The following ATP8A2 variants were observed in gnomAD, a reference collection of about 807,000 sequenced individuals.
The protein encoded by ATP8A2 is ATPase phospholipid transporting 8A2.
In ATP8A2, 100 loss-of-function variants were observed where a neutral mutation model predicts 165.6. The ratio of observed to expected loss-of-function variants is 0.60; its 90% confidence interval spans 0.51 to 0.71. The LOEUF (loss-of-function observed/expected upper bound fraction) is 0.71, where lower values mean the gene tolerates loss of function less well. Ranked by LOEUF, ATP8A2 falls within the 30% of genes least tolerant of loss-of-function variation. ATP8A2 has a pLI of 0.00. For synonymous variants in ATP8A2, 543 were observed against 548.8 expected, an observed-to-expected ratio of 0.99 and a Z score of 0.15; for missense variants, 1,227 against 1,479.5, an observed-to-expected ratio of 0.83 and a Z score of 2.80.
At chr13:25,455,100 A>G (rs1388329412) in intron 1 of ATP8A2, among the ~76,000 whole-genome samples, 2 of 152,168 alleles carry the variant, frequency 1.3e-5, no homozygotes, top group Non-Finnish European at 2.9e-5. Context: ...GGGTGTTCCT[A>G]AACTCTGGAG....
At position 25,555,069 on chromosome 13, in the gene ATP8A2, G is replaced by A. The variant is rs1182456964; in HGVS notation, c.1263+1G>A. 6.2e-7 allele frequency: 1 copy of A among 1,610,004 alleles called. No homozygotes were observed. Among genetic ancestry groups the A allele is most frequent in the Non-Finnish European group, 8.5e-7 (1 of 1,176,482 alleles). The stretch of plus-strand genomic sequence containing the variant: ...AAACCTTAATGAAGAGCTTGGGCAG[G>A]TGAAAAAGCCTCTGGGAACTTTGGG... On this transcript the variant is annotated splice_donor_variant, in intron 13 of 36. Transcript: ENST00000381655. LOFTEE classifies it high-confidence loss of function.
intron 25 of ATP8A2, among the ~76,000 whole-genome samples, chr13:25,737,562 C>T (rs753271735): frequency 5.9e-5 from 9 of 152,218 alleles, no homozygotes; most frequent in East Asian, 1.9e-4. Flanking sequence ...TGCAGTGGCA[C>T]GATCATGGCT....
At chr13:25,904,914 CCAAAA>C (rs1466162384) in intron 33 of ATP8A2, among the ~76,000 whole-genome samples, 11 of 152,146 alleles carry the variant, frequency 7.2e-5, no homozygotes, top group Admixed American at 1.3e-4. Context: ...GTTTAGTGTG[CCAAAA>C]CAAAAGTTAT....
chr13:25,883,418 C>CAAAAAAAGG (rs1953044162), intron 33 of ATP8A2, among the ~76,000 whole-genome samples: 1 of 151,518 alleles, frequency 6.6e-6, no homozygotes, highest in South Asian at 2.1e-4. Flanking sequence ...AACTCCATCT[C>CAAAAAAAGG]AAAAAAAGGA....
intron 1 of ATP8A2, among the ~76,000 whole-genome samples, chr13:25,408,208 C>T (rs927933271): frequency 2.0e-5 from 3 of 152,084 alleles, no homozygotes; most frequent in Non-Finnish European, 4.4e-5. Context: ...TCCTGGCCAA[C>T]GTGGTGAAAC....
intron 15 of ATP8A2, among the ~76,000 whole-genome samples, chr13:25,561,199 C>T (rs2039143515): frequency 6.6e-6 from 1 of 152,166 alleles, no homozygotes; most frequent in Non-Finnish European, 1.5e-5. Context: ...GTGGGCCATT[C>T]TGTCTCTGAG....
chr13:25,929,068 T>G (rs1954692705), intron 33 of ATP8A2, among the ~76,000 whole-genome samples: 1 of 152,194 alleles, frequency 6.6e-6, no homozygotes, highest in South Asian at 2.1e-4. Flanking sequence ...CGAGGTTATG[T>G]TCTGCATCTC....
chr13:25,374,176 G>A (rs1163528455), intron 1 of ATP8A2, among the ~76,000 whole-genome samples: 1 of 152,186 alleles, frequency 6.6e-6, no homozygotes, highest in Non-Finnish European at 1.5e-5. Flanking sequence ...GAAACCCGGA[G>A]GGAGTGCTCT....
intron 36 of ATP8A2, among the ~76,000 whole-genome samples, chr13:26,016,957 C>T (rs894761024): frequency 6.6e-6 from 1 of 152,178 alleles, no homozygotes; most frequent in Non-Finnish European, 1.5e-5. Flanking sequence ...ATCCCAAAGT[C>T]ACATGGACAA....
At chr13:25,729,832 T>G (rs9511900) in intron 25 of ATP8A2, among the ~76,000 whole-genome samples, 48,262 of 152,008 alleles carry the variant, frequency 0.32, 8,328 homozygotes, top group Non-Finnish European at 0.37. Context: ...GGATGCTAAG[T>G]GTAACGTGGG....
intron 33 of ATP8A2, among the ~76,000 whole-genome samples, chr13:25,875,371 C>CT (rs1279780504): frequency 6.6e-6 from 1 of 151,686 alleles, no homozygotes; most frequent in African/African-American, 2.4e-5. Flanking sequence ...TAGTACCCAT[C>CT]TTTTTTTGGT....
intron 1 of ATP8A2, among the ~76,000 whole-genome samples, chr13:25,380,918 C>G (rs2032814103): frequency 6.6e-6 from 1 of 152,120 alleles, no homozygotes; most frequent in African/African-American, 2.4e-5. Context: ...TTCCCTGCCC[C>G]CTCCCTCCAG....
intron 27 of ATP8A2, among the ~76,000 whole-genome samples, chr13:25,805,772 G>A (rs1950719902): frequency 6.6e-6 from 1 of 152,114 alleles, no homozygotes; most frequent in Non-Finnish European, 1.5e-5. Context: ...TTAAATTACT[G>A]ACTTGATGAA....
chr13:25,657,148 T>G lies in ATP8A2; in HGVS notation c.2212-42025T>G, dbSNP rs184444357. ...AGGGGAGTTGGGGAAAAGCCTAGAC[T>G]TAAGACCTAACACACTGACTTTATA... On this transcript the variant is annotated intron_variant, in intron 24 of 36. Transcript: ENST00000381655. Among the ~76,000 whole-genome samples, 487 of 150,796 alleles carry G rather than the reference T, an allele frequency of 3.2e-3. 2 individuals are homozygous for G. Among genetic ancestry groups the G allele is most frequent in the African/African-American group, 0.011 (461 of 41,096 alleles).
chr13:26,013,553 A>G (rs1307563246), intron 36 of ATP8A2, among the ~76,000 whole-genome samples: 1 of 152,160 alleles, frequency 6.6e-6, no homozygotes, highest in Non-Finnish European at 1.5e-5. Flanking sequence ...ACATGCCTGT[A>G]ATCCCAGCTA....
chr13:25,902,850 G>A (rs1306430793), intron 33 of ATP8A2, among the ~76,000 whole-genome samples: 3 of 151,818 alleles, frequency 2.0e-5, no homozygotes, highest in African/African-American at 7.3e-5. Flanking sequence ...CCAGTTTTCA[G>A]TACGACATTT....
intron 2 of ATP8A2, among the ~76,000 whole-genome samples, chr13:25,487,094 GT>G (rs2036376899): frequency 6.6e-6 from 1 of 152,160 alleles, no homozygotes; most frequent in Non-Finnish European, 1.5e-5. Flanking sequence ...AAGGTGAATT[GT>G]TTGTAAAACC....
At chr13:25,470,707 T>C (rs1346883843) in intron 2 of ATP8A2, among the ~76,000 whole-genome samples, 1 of 152,130 alleles carries the variant, frequency 6.6e-6, no homozygotes. Flanking sequence ...GTAGAAATAA[T>C]CTAAATGTCC....
intron 2 of ATP8A2, among the ~76,000 whole-genome samples, chr13:25,481,027 G>A (rs1007011048): frequency 3.3e-4 from 51 of 152,240 alleles, no homozygotes; most frequent in Middle Eastern, 3.4e-3. Context: ...GTGGCAGCGC[G>A]CGCCTGCAAT....
Sources: gnomAD v4.1 joint callset for allele counts (sites outside exome capture counted in the v4.1 genomes callset) on GRCh38, gnomAD v4.1.1 for gene constraint, MANE v1.5 for transcripts, NCBI Gene and HGNC (gene_info 2026-07-23, HGNC 2026-07-21) for gene names.